The following ANKH variants were observed in gnomAD, a reference collection of about 807,000 sequenced individuals.
The protein encoded by ANKH is ANKH inorganic pyrophosphate transport regulator, also known as mineralization regulator ANKH.
A neutral mutation model predicts 49.0 loss-of-function variants in ANKH; 15 were observed. The observed-to-expected ratio is 0.31, with a 90% confidence interval of 0.20 to 0.47. The LOEUF is 0.47. Ranked by LOEUF, ANKH falls within the 20% of genes least tolerant of loss-of-function variation. The pLI, the probability that ANKH is intolerant of heterozygous loss-of-function variation, is 1.00. For missense variants in ANKH, 429 were observed against 652.0 expected, an observed-to-expected ratio of 0.66 and a Z score of 3.72; for synonymous variants, 273 against 260.0, an observed-to-expected ratio of 1.05 and a Z score of -0.48.
chr5:14,716,965 G>T, intron 8 of ANKH, 130 bp from the exon 9 acceptor site: 1 of 1,171,872 alleles, frequency 8.5e-7, no homozygotes, highest in Non-Finnish European at 1.2e-6. Flanking sequence ...TGGTGGGCAT[G>T]CTGGTCCCAG....
intron 1 of ANKH, among the ~76,000 whole-genome samples, chr5:14,786,784 G>A (rs996641155): frequency 1.3e-5 from 2 of 152,180 alleles, no homozygotes; most frequent in African/African-American, 4.8e-5. Flanking sequence ...AATTAAAAGT[G>A]TGACAACTCC....
intron 6 of ANKH, among the ~76,000 whole-genome samples, chr5:14,746,309 C>G (rs1221329569): frequency 3.6e-5 from 5 of 140,754 alleles, no homozygotes; most frequent in Non-Finnish European, 6.2e-5. Flanking sequence ...TTTTTTCCTT[C>G]TCTCTTTCTT....
intron 1 of ANKH, among the ~76,000 whole-genome samples, chr5:14,780,281 G>A (rs1370756114): frequency 6.6e-6 from 1 of 152,170 alleles, no homozygotes; most frequent in African/African-American, 2.4e-5. Context: ...GGTGGCTCAC[G>A]TCTGTAATCC....
At chr5:14,794,793 T>C (rs1481192945) in intron 1 of ANKH, among the ~76,000 whole-genome samples, 1 of 152,254 alleles carries the variant, frequency 6.6e-6, no homozygotes, top group Non-Finnish European at 1.5e-5. Flanking sequence ...ACTAGTTGTT[T>C]TGCTTCCTGA....
rs1435348644 is a variant in ANKH, at chr5:14,706,425, C to T, written c.*4772G>A. 1 of 152,150 alleles carries T rather than the reference C, an allele frequency of 6.6e-6. No homozygotes were observed. Among genetic ancestry groups the T allele is most frequent in the East Asian group, 1.9e-4 (1 of 5,192 alleles). 9.4% of individuals were successfully genotyped at this position (152,150 alleles called of 1,614,324 possible). On this transcript the variant is annotated 3_prime_UTR_variant, in exon 12 of 12. Coordinates refer to ENST00000284268, the MANE Select transcript of ANKH (RefSeq NM_054027.6). The stretch of plus-strand genomic sequence containing the variant: ...GGTTTTTCAAAAATGATTTAGGAGG[C>T]CCACCTTTGATGCTCTTCCCAGCAG...
chr5:14,740,621 A>C (rs80342697), intron 8 of ANKH, among the ~76,000 whole-genome samples: 5,986 of 152,344 alleles, frequency 0.039, 396 homozygotes, highest in African/African-American at 0.14. Flanking sequence ...GTCTTCTGTG[A>C]TGGGCACTGC....
rs930765084 is a variant in ANKH, at chr5:14,706,038, T to G, written c.*5159A>C. On this transcript the variant is annotated 3_prime_UTR_variant, in exon 12 of 12. Transcript: ENST00000284268. ...GGTTGTACAGTGAGTGGTACAACCATTTTTAGCTGGTCTGTCCCCTTCTTT... is the reference window on the plus strand; with the variant it reads ...GGTTGTACAGTGAGTGGTACAACCAGTTTTAGCTGGTCTGTCCCCTTCTTT... 6.6e-6 allele frequency: 1 copy of G among 152,192 alleles called. No homozygotes were observed. Among genetic ancestry groups the G allele is most frequent in the Non-Finnish European group, 1.5e-5 (1 of 68,034 alleles). The allele number at this position is 152,192 out of a possible 1,614,324, so 9.4% of individuals were successfully genotyped here.
At chr5:14,841,178 A>G (rs928834882) in intron 1 of ANKH, among the ~76,000 whole-genome samples, 26 of 152,344 alleles carry the variant, frequency 1.7e-4, no homozygotes, top group African/African-American at 6.0e-4. Flanking sequence ...AAAACAAAAG[A>G]AAAAACTTAG....
intron 1 of ANKH, among the ~76,000 whole-genome samples, chr5:14,834,238 C>A (rs769916413): frequency 2.7e-3 from 60 of 22,278 alleles, no homozygotes; most frequent in Non-Finnish European, 4.0e-3. Context: ...ACCTCAGTTT[C>A]CCATCTGTAA....
intron 1 of ANKH, among the ~76,000 whole-genome samples, chr5:14,779,374 T>C (rs1468050382): frequency 6.6e-6 from 1 of 152,212 alleles, no homozygotes; most frequent in Non-Finnish European, 1.5e-5. Flanking sequence ...CAACGTCCTC[T>C]AGTTCCCACC....
intron 8 of ANKH, among the ~76,000 whole-genome samples, chr5:14,733,411 T>C (rs1416960156): frequency 3.3e-5 from 5 of 152,182 alleles, no homozygotes; most frequent in African/African-American, 1.2e-4. Context: ...GACCACAGAC[T>C]AGCTAAAAGC....
At chr5:14,778,667 C>T (rs1007362080) in intron 1 of ANKH, among the ~76,000 whole-genome samples, 3 of 152,164 alleles carry the variant, frequency 2.0e-5, no homozygotes, top group Admixed American at 1.3e-4. Flanking sequence ...TCCCTCTCAT[C>T]GCTCCTCCTG....
At chr5:14,851,320 A>T (rs1273665208) in intron 1 of ANKH, among the ~76,000 whole-genome samples, 2 of 152,202 alleles carry the variant, frequency 1.3e-5, no homozygotes, top group Non-Finnish European at 2.9e-5. Flanking sequence ...CTGTGCTCCA[A>T]GAGAAGCTCT....
chr5:14,743,344 T>C (rs1426410824), intron 7 of ANKH, among the ~76,000 whole-genome samples: 2 of 152,170 alleles, frequency 1.3e-5, no homozygotes, highest in South Asian at 2.1e-4. Context: ...CATACTGCCA[T>C]GGGGACAGCA....
At position 14,758,486 on chromosome 5, in the gene ANKH, G is replaced by A. The variant is rs775675401; in HGVS notation, c.426C>T (p.Asp142=). Residue 142 remains aspartate (D), a synonymous_variant, in exon 3 of 12, where the codon GAC becomes GAT. Coordinates refer to ENST00000284268, the MANE Select transcript of ANKH (RefSeq NM_054027.6). The part of the protein sequence containing the change: ...FLYLAAFPFM[D]AMAWTHAGIL... ...AACGATCTTCTCTACTCACCATTGC[G>A]TCCATGAAAGGAAAGGCGGCGAGGT... 2.5e-5 allele frequency: 40 copies of A among 1,612,582 alleles called. No homozygotes were observed. Among genetic ancestry groups the A allele is most frequent in the Non-Finnish European group, 3.2e-5 (38 of 1,178,728 alleles).
In ANKH at chr5:14,768,961, G is replaced by A. The variant is rs2126511296; in HGVS notation, c.313+14C>T. 6.2e-7 allele frequency: 1 copy of A among 1,613,362 alleles called. No homozygotes were observed. The highest frequency in any genetic ancestry group is 8.5e-7 in the Non-Finnish European group (1 of 1,179,338). ...GCCAAAGCTAGATTCGTCAGTGGCG[G>A]TCGGCGGCCTCACCTATCAGTGTGT... On this transcript the variant is annotated intron_variant, in intron 2 of 11. Transcript: ENST00000284268.
At chr5:14,812,579 C>T (rs927900007) in intron 1 of ANKH, among the ~76,000 whole-genome samples, 1 of 152,202 alleles carries the variant, frequency 6.6e-6, no homozygotes, top group African/African-American at 2.4e-5. Context: ...CTTCCTTGCC[C>T]TTGAGCCCTG....
At chr5:14,711,812 T>C (rs1290592959) in intron 11 of ANKH, among the ~76,000 whole-genome samples, 1 of 152,230 alleles carries the variant, frequency 6.6e-6, no homozygotes, top group Non-Finnish European at 1.5e-5. Flanking sequence ...CCATGTTGCC[T>C]GTTCTTACAA....
intron 1 of ANKH, among the ~76,000 whole-genome samples, chr5:14,844,162 G>A (rs147225885): frequency 1.4e-3 from 214 of 152,280 alleles, no homozygotes; most frequent in African/African-American, 4.9e-3. Context: ...CAAGTGTGGT[G>A]TAACATAAAG....
Sources: allele counts gnomAD v4.1 joint callset (sites outside exome capture counted in the v4.1 genomes callset), GRCh38; gene constraint gnomAD v4.1.1; transcripts MANE v1.5; gene names NCBI Gene and HGNC (gene_info 2026-07-23, HGNC 2026-07-21).